Variants in LPP observed in about 807,000 individuals in gnomAD.
The protein encoded by LPP is LIM domain containing preferred translocation partner in lipoma, also known as lipoma-preferred partner.
In LPP, 38 loss-of-function variants were observed where a neutral mutation model predicts 60.4. The ratio of observed to expected loss-of-function variants is 0.63; its 90% CI spans 0.49 to 0.83. LPP has a LOEUF of 0.83. Among genes scored for constraint, LPP ranks in the 40% least tolerant of loss-of-function variants. The pLI is 0.00. For synonymous variants in LPP, 328 were observed against 290.8 expected, an observed-to-expected ratio of 1.13 and a Z score of -1.30; for missense variants, 902 against 783.6, an observed-to-expected ratio of 1.15 and a Z score of -1.80.
chr3:188,679,065 G>A (rs1858811319), intron 7 of LPP, among the ~76,000 whole-genome samples: 2 of 152,202 alleles, frequency 1.3e-5, no homozygotes, highest in Non-Finnish European at 2.9e-5. Flanking sequence ...GAGGTATTGG[G>A]AGAGGAGTCC....
chr3:188,830,604 C>CA (rs1756899121), intron 9 of LPP, among the ~76,000 whole-genome samples: 4 of 148,852 alleles, frequency 2.7e-5, no homozygotes, highest in East Asian at 1.9e-4. Flanking sequence ...AACTCCGTCT[C>CA]AAAAAACAAA....
At chr3:188,345,117 G>C (rs1016740648) in intron 3 of LPP, among the ~76,000 whole-genome samples, 4 of 152,174 alleles carry the variant, frequency 2.6e-5, no homozygotes, top group African/African-American at 9.7e-5. Context: ...TCTTGGACTA[G>C]AATTCTTCTG....
In LPP at chr3:188,287,865, T is replaced by C. The variant is rs143007430; in HGVS notation, c.-66-53798T>C. Among the ~76,000 whole-genome samples the C allele has an allele frequency of 7.5e-4, 115 of 152,318 alleles. 1 individual carries two copies. In the East Asian group the frequency reaches 0.013, roughly 17 times the overall value. ...TTTAAGATGCCATATTCATAAATAC[T>C]AATAAGGCTGTCTGATTCCAATTTT... is the stretch of plus-strand genomic sequence containing the variant. On this transcript the variant is annotated intron_variant, in intron 2 of 11. Transcript: ENST00000617246.
At chr3:188,507,131 G>A (rs1356390618) in intron 5 of LPP, among the ~76,000 whole-genome samples, 1 of 152,106 alleles carries the variant, frequency 6.6e-6, no homozygotes, top group Non-Finnish European at 1.5e-5. Flanking sequence ...AGATAGAATA[G>A]CTACTTGATT....
intron 3 of LPP, among the ~76,000 whole-genome samples, chr3:188,344,959 A>G (rs1249674551): frequency 6.6e-6 from 1 of 152,204 alleles, no homozygotes; most frequent in African/African-American, 2.4e-5. Context: ...TGATTTTTCC[A>G]GAGCAAATCA....
intron 1 of LPP, among the ~76,000 whole-genome samples, chr3:188,186,273 A>G (rs928157627): frequency 6.6e-6 from 1 of 152,136 alleles, no homozygotes; most frequent in Middle Eastern, 3.2e-3. Flanking sequence ...GATTCTTTAC[A>G]TTTTCAAGTT....
intron 1 of LPP, among the ~76,000 whole-genome samples, chr3:188,208,652 C>T (rs550976983): frequency 3.3e-5 from 5 of 152,170 alleles, no homozygotes; most frequent in Admixed American, 1.3e-4. Context: ...GTCTTTGAAA[C>T]GTCCATCTCT....
chr3:188,744,282 T>A (rs748869351), intron 8 of LPP, among the ~76,000 whole-genome samples: 1 of 152,116 alleles, frequency 6.6e-6, no homozygotes, highest in Admixed American at 6.6e-5. Context: ...ATTATATTGA[T>A]CTCTGGGATC....
chr3:188,224,933 C>T (rs114162880), intron 1 of LPP, among the ~76,000 whole-genome samples: 125 of 151,984 alleles, frequency 8.2e-4, no homozygotes, highest in African/African-American at 2.5e-3. Flanking sequence ...ATATCAAGGA[C>T]GGCTTACTGG....
chr3:188,807,386 C>G (rs1749489331), intron 9 of LPP, among the ~76,000 whole-genome samples: 1 of 151,940 alleles, frequency 6.6e-6, no homozygotes, highest in Admixed American at 6.6e-5. Context: ...TTTCTTGGCT[C>G]TTCTATCTTC....
At chr3:188,618,704 A>G (rs1007114128) in intron 7 of LPP, among the ~76,000 whole-genome samples, 9 of 152,234 alleles carry the variant, frequency 5.9e-5, no homozygotes, top group African/African-American at 2.2e-4. Context: ...CATTGCTATT[A>G]AGAGTTAAGG....
At chr3:188,570,551 G>A (rs1047937749) in intron 6 of LPP, among the ~76,000 whole-genome samples, 6 of 152,028 alleles carry the variant, frequency 3.9e-5, no homozygotes, top group Non-Finnish European at 5.9e-5. Flanking sequence ...GATAGGACAC[G>A]CTACACAAAG....
chr3:188,610,703 T>G lies in LPP; in HGVS notation c.1113+859T>G, dbSNP rs1394662218. 6.6e-6 allele frequency among the ~76,000 whole-genome samples: 1 copy of G among 152,182 alleles called. No individual in the cohort carries two copies. Among genetic ancestry groups the G allele is most frequent in the Non-Finnish European group, 1.5e-5 (1 of 68,030 alleles). The stretch of plus-strand genomic sequence containing the variant: ...AAGGTGTAATACTACACATGCCCAC[T>G]CACCACAACTTGGATTTTTCATTAG... On this transcript the variant is annotated intron_variant, in intron 7 of 11. Transcript: ENST00000617246. This position sits in a 1 kb window ranked among gnomAD's most constrained non-coding sequence, Gnocchi z 4.4.
intron 7 of LPP, among the ~76,000 whole-genome samples, chr3:188,628,569 T>A (rs946669526): frequency 6.6e-6 from 1 of 152,050 alleles, no homozygotes; most frequent in Non-Finnish European, 1.5e-5. Flanking sequence ...AAATCCTGAA[T>A]AGACCAATAA....
chr3:188,599,751 G>GAGGGGGGTGTGTGTGTGT (rs1553938530), intron 6 of LPP, among the ~76,000 whole-genome samples: 1 of 139,828 alleles, frequency 7.2e-6, no homozygotes, highest in African/African-American at 2.7e-5. Context: ...ACTCGTTAGG[G>GAGGGGGGTGTGTGTGTGT]GTGTGTGTGT....
Position 188,699,042 on chromosome 3 carries a change from T to C in LPP, c.1114-9225T>C, listed in dbSNP as rs367726957. Among the ~76,000 whole-genome samples the C allele has an allele frequency of 6.8e-4, 104 of 152,342 alleles. 1 individual carries two copies. Among genetic ancestry groups the C allele is most frequent in the African/African-American group, 2.1e-3 (88 of 41,580 alleles). ...GTTAGTGGTTTCTAAGTTGTCCCTC[T>C]TGATAATTATAACTGACATCTATTT... is the stretch of plus-strand genomic sequence containing the variant. On this transcript the variant is annotated intron_variant, in intron 7 of 11. Transcript: ENST00000617246.
intron 9 of LPP, among the ~76,000 whole-genome samples, chr3:188,854,622 A>C (rs779964393): frequency 2.6e-5 from 4 of 152,202 alleles, no homozygotes; most frequent in Non-Finnish European, 5.9e-5. Flanking sequence ...AAGTTAGCTC[A>C]TGGCCCTCTG....
At chr3:188,424,472 T>C (rs1389024661) in intron 4 of LPP, among the ~76,000 whole-genome samples, 1 of 152,104 alleles carries the variant, frequency 6.6e-6, no homozygotes, top group African/African-American at 2.4e-5. Context: ...TTTAAACTAG[T>C]TTTTTCTACT....
intron 3 of LPP, among the ~76,000 whole-genome samples, chr3:188,404,198 C>T (rs1782887229): frequency 6.6e-6 from 1 of 152,078 alleles, no homozygotes; most frequent in African/African-American, 2.4e-5. Context: ...AATATCATCT[C>T]ATTGGTTGCC....
Sources: allele counts gnomAD v4.1 joint callset (sites outside exome capture counted in the v4.1 genomes callset), GRCh38; gene constraint gnomAD v4.1.1; non-coding constraint Gnocchi (gnomAD v3.1); transcripts MANE v1.5; gene names NCBI Gene and HGNC (gene_info 2026-07-23, HGNC 2026-07-21).